RFXAP: variants seen among roughly 807,000 people sequenced by gnomAD.
RFXAP encodes the protein regulatory factor X-associated protein.
Under a neutral mutation model 25.7 loss-of-function variants are expected in RFXAP, and 21 were observed. That is an observed-to-expected ratio of 0.82 (90% CI 0.58 to 1.18). RFXAP has a LOEUF of 1.18. RFXAP is among the 50% of genes most tolerant of loss of function. The probability of loss-of-function intolerance (pLI) is 0.00; values close to 1 mark genes in which losing one functional copy is unlikely to be tolerated. For missense variants in RFXAP, 333 were observed against 363.0 expected, an observed-to-expected ratio of 0.92 and a Z score of 0.67; for synonymous variants, 161 against 152.2, an observed-to-expected ratio of 1.06 and a Z score of -0.43.
At chr13:36,823,118 A>G (rs1277692703) in intron 1 of RFXAP, among the ~76,000 whole-genome samples, 2 of 152,222 alleles carry the variant, frequency 1.3e-5, no homozygotes, top group Non-Finnish European at 2.9e-5. Flanking sequence ...TATATTTTAC[A>G]TACATGGAAA....
intron 1 of RFXAP, among the ~76,000 whole-genome samples, chr13:36,821,830 T>C (rs1361008842): frequency 6.6e-6 from 1 of 152,172 alleles, no homozygotes; most frequent in Non-Finnish European, 1.5e-5. Context: ...AGACTCTTCC[T>C]AGAAAAATCC....
At chr13:36,822,765 T>C (rs1464127072) in intron 1 of RFXAP, among the ~76,000 whole-genome samples, 1 of 152,208 alleles carries the variant, frequency 6.6e-6, no homozygotes, top group Admixed American at 6.5e-5. Flanking sequence ...ATACTAATAG[T>C]TTACTATCCA....
intron 1 of RFXAP, 134 bp downstream of exon 1, chr13:36,820,091 A>G: frequency 7.7e-7 from 1 of 1,307,112 alleles, no homozygotes. Context: ...GTGGTTGAGA[A>G]TTAGAGTGTT....
rs757386324 is a variant in RFXAP at position 36,825,455 on chromosome 13, G to A, written c.628G>A (p.Val210Ile). Residue 210 changes from valine to isoleucine, a missense_variant, in exon 2 of 3, where the codon GTT becomes ATT. Coordinates refer to ENST00000255476, the MANE Select transcript of RFXAP (RefSeq NM_000538.4). Reference protein sequence around the residue: ...EESADNILSIVKQRTGSFGDR... With the variant: ...EESADNILSIIKQRTGSFGDR... ...AAGTGCAGATAACATACTCTCCATTGTTAAACAAAGAACAGGATCTTTTGG... is the reference window on the plus strand; with the variant it reads ...AAGTGCAGATAACATACTCTCCATTATTAAACAAAGAACAGGATCTTTTGG... 3.7e-6 allele frequency: 6 copies of A among 1,612,614 alleles called. No homozygotes were observed. In the South Asian group the frequency reaches 6.6e-5, roughly 18 times the overall value.
chr13:36,825,413 TATCATTTATCCC>T lies in RFXAP; in HGVS notation c.601-13_601-2del. 1 of 1,571,438 alleles carries T rather than the reference TATCATTTATCCC, an allele frequency of 6.4e-7. No homozygotes were observed. ...TTAACTGTTTATCTATTTGCATTTT[TATCATTTATCCC>T]AGGAAAGTGCAGATAACATACTCTC... On this transcript the variant is annotated splice_region_variant and splice_polypyrimidine_tract_variant and intron_variant, in intron 1 of 2. Coordinates refer to ENST00000255476, the MANE Select transcript of RFXAP (RefSeq NM_000538.4).
Position 36,825,501 on chromosome 13 carries a change from C to T in RFXAP, c.674C>T (p.Thr225Ile), listed in dbSNP as rs1432611615. 1.9e-6 allele frequency: 3 copies of T among 1,612,428 alleles called. No homozygotes were observed. Among genetic ancestry groups the T allele is most frequent in the Non-Finnish European group, 2.5e-6 (3 of 1,179,208 alleles). The change falls in exon 2 of 3, where the codon ACT (threonine) becomes ATT (isoleucine). Residue 225 changes from threonine to isoleucine, a missense_variant. Transcript: ENST00000255476. ...GSFGDRPARP[T>I]LLEQVLNQKR... is the part of the protein sequence containing the mutation. The stretch of plus-strand genomic sequence containing the variant: ...TTTGGGGATCGTCCTGCAAGACCTA[C>T]TCTTTTAGAACAAGTGTTAAATCAA...
rs1033559056 is a variant in RFXAP, at chr13:36,819,249, T to G, written c.-109T>G. ...GCGCAGTCGGGGCGCCTTCCCGGTA[T>G]AGGCGCCTTTTACCCCAGCGTGTCC... On this transcript the variant is annotated 5_prime_UTR_variant, in exon 1 of 3. Transcript: ENST00000255476. 2.7e-5 allele frequency: 30 copies of G among 1,100,060 alleles called. No homozygotes were observed. The African/African-American group carries it at 4.7e-4, about 17-fold the overall frequency. 68.1% of individuals were successfully genotyped at this position (1,100,060 alleles called of 1,614,324 possible).
At chr13:36,819,979 TG>T (rs753731111) in intron 1 of RFXAP, 22 bp downstream of exon 1, 1 of 1,612,052 alleles carries the variant, frequency 6.2e-7, no homozygotes, top group Non-Finnish European at 8.5e-7. Flanking sequence ...AGCTGAGGCC[TG>T]GGGATGGGAG....
chr13:36,821,305 G>T (rs933779347), intron 1 of RFXAP, among the ~76,000 whole-genome samples: 1 of 149,148 alleles, frequency 6.7e-6, no homozygotes, highest in African/African-American at 2.5e-5. Flanking sequence ...AAATTTCTTA[G>T]TTTCAGGCTG....
chr13:36,824,392 G>C (rs1476714677), intron 1 of RFXAP, among the ~76,000 whole-genome samples: 1 of 152,046 alleles, frequency 6.6e-6, no homozygotes, highest in African/African-American at 2.4e-5. Flanking sequence ...AAATATTTTT[G>C]TAATATCAGG....
chr13:36,819,232 G>A lies in RFXAP; in HGVS notation c.-126G>A. Reference sequence around the variant, plus strand: ...AGGCTGCGGTCGCGCAGGCGCAGTCGGGGCGCCTTCCCGGTATAGGCGCCT... The same window carrying A: ...AGGCTGCGGTCGCGCAGGCGCAGTCAGGGCGCCTTCCCGGTATAGGCGCCT... On this transcript the variant is annotated 5_prime_UTR_variant, in exon 1 of 3. Transcript: ENST00000255476. 1 of 1,000,198 alleles carries A rather than the reference G, an allele frequency of 1.0e-6. No individual in the cohort carries two copies. The highest frequency in any genetic ancestry group is 3.5e-5 in the East Asian group (1 of 28,626). The allele number at this position is 1,000,198 out of a possible 1,614,324, so 62.0% of individuals were successfully genotyped here. A position where few individuals can be genotyped will look rare whatever the true frequency, so the allele number is the denominator to read the frequency against.
In RFXAP at chr13:36,827,939, G is replaced by C. The variant is rs1289446748; in HGVS notation, c.*186G>C. 1.2e-5 allele frequency: 7 copies of C among 574,644 alleles called. No homozygotes were observed. The African/African-American group carries it at 1.3e-4, about 11-fold the overall frequency. 35.6% of individuals were successfully genotyped at this position (574,644 alleles called of 1,614,324 possible). On this transcript the variant is annotated 3_prime_UTR_variant, in exon 3 of 3. Coordinates refer to ENST00000255476, the MANE Select transcript of RFXAP (RefSeq NM_000538.4). ...TGTGCATCTAATCTTTCAGATTACT[G>C]TGAGTTTGAAGAAGTCAGCTTATCT...
At chr13:36,826,721 T>C (rs1013425143) in intron 2 of RFXAP, among the ~76,000 whole-genome samples, 1 of 152,218 alleles carries the variant, frequency 6.6e-6, no homozygotes, top group African/African-American at 2.4e-5. Context: ...TAAAACTGTT[T>C]AATAAATAGA....
At chr13:36,822,613 C>T (rs139317535) in intron 1 of RFXAP, among the ~76,000 whole-genome samples, 3 of 152,054 alleles carry the variant, frequency 2.0e-5, no homozygotes, top group African/African-American at 4.8e-5. Context: ...AGGCTGGCCT[C>T]GAATTCCTGG....
chr13:36,826,350 G>C (rs373203059), intron 2 of RFXAP, among the ~76,000 whole-genome samples: 3 of 152,280 alleles, frequency 2.0e-5, no homozygotes, highest in African/African-American at 7.2e-5. Flanking sequence ...ACCATTAAAT[G>C]ATATGGAAAG....
intron 1 of RFXAP, among the ~76,000 whole-genome samples, chr13:36,823,270 G>GA (rs1256402882): frequency 2.0e-5 from 3 of 152,182 alleles, no homozygotes; most frequent in African/African-American, 7.2e-5. Flanking sequence ...TAGATAAAAG[G>GA]AAAGAGAAGC....
Position 36,819,458 on chromosome 13 carries a change from C to T in RFXAP, c.101C>T (p.Pro34Leu). The T allele has an allele frequency of 6.6e-7, 1 of 1,509,210 alleles. No individual in the cohort carries two copies. The highest frequency in any genetic ancestry group is 8.9e-7 in the Non-Finnish European group (1 of 1,128,656). 93.5% of individuals were successfully genotyped at this position (1,509,210 alleles called of 1,614,324 possible). The change falls in exon 1 of 3, where the codon CCA (proline) becomes CTA (leucine). Residue 34 changes from proline (P) to leucine (L), a missense_variant. Transcript: ENST00000255476. ...CCGGCTGCGGCTCCCACCTTGGCGC[C>T]AGCCTCGGTGGCGGCCGCGGCCTCT... ...LAPAAAPTLA[P>L]ASVAAAASQF... is the part of the protein sequence containing the mutation.
chr13:36,819,932 G>A lies in RFXAP; in HGVS notation c.575G>A (p.Gly192Asp). The A allele has an allele frequency of 6.2e-7, 1 of 1,613,840 alleles. No individual in the cohort carries two copies. The highest frequency in any genetic ancestry group is 8.5e-7 in the Non-Finnish European group (1 of 1,179,928). Residue 192 changes from glycine to aspartate, a missense_variant, in exon 1 of 3, where the codon GGC (glycine) becomes GAC (aspartate). Coordinates refer to ENST00000255476, the MANE Select transcript of RFXAP (RefSeq NM_000538.4). ...ALNCGGTAST[G>D]SAGNVKLEES... The stretch of plus-strand genomic sequence containing the variant: ...AACTGCGGTGGGACTGCCTCGACTG[G>A]CAGCGCGGGAAACGTCAAACTCGAG...
rs1268345931 is a variant in RFXAP, at chr13:36,819,882, AAAG to A, written c.533_535del (p.Lys178del). 16 of 1,612,890 alleles carry A rather than the reference AAAG, an allele frequency of 9.9e-6. No homozygotes were observed. Among genetic ancestry groups the A allele is most frequent in the African/African-American group, 6.7e-5 (5 of 74,912 alleles). On this transcript the variant is annotated inframe_deletion, in exon 1 of 3. Coordinates refer to ENST00000255476, the MANE Select transcript of RFXAP (RefSeq NM_000538.4). ...ACAAGATGTACAAGGACAAGTATAA[AAAG>A]AAGAAGAGCGACCAGGCCCTGAACT... is the stretch of plus-strand genomic sequence containing the variant.
Sources: gnomAD v4.1 joint callset for allele counts (sites outside exome capture counted in the v4.1 genomes callset) on GRCh38, gnomAD v4.1.1 for gene constraint, MANE v1.5 for transcripts, NCBI Gene and HGNC (gene_info 2026-07-23, HGNC 2026-07-21) for gene names.